GRIA3: variants seen among roughly 807,000 people sequenced by gnomAD.
The protein encoded by GRIA3 is glutamate ionotropic receptor AMPA type subunit 3, also known as glutamate receptor 3.
Under a neutral mutation model 63.0 loss-of-function variants are expected in GRIA3, and 3 were observed. The ratio of observed to expected loss-of-function variants is 0.05; its 90% CI spans 0.02 to 0.12. The LOEUF is 0.12. GRIA3 is among the 10% of genes least tolerant of loss of function. The probability of loss-of-function intolerance (pLI) is 1.00; values close to 1 mark genes in which losing one functional copy is unlikely to be tolerated. For missense variants in GRIA3, 347 were observed against 700.9 expected (o/e 0.50, Z 5.70); for synonymous variants, 274 against 257.9 (o/e 1.06, Z -0.60).
chrX:123,265,685 A>G (rs2044484152), intron 3 of GRIA3, among the ~76,000 whole-genome samples: 3 of 112,040 alleles, frequency 2.7e-5, no homozygotes, highest in Non-Finnish European at 5.6e-5. Context: ...TAATGAAACT[A>G]GAACTTATTT....
intron 12 of GRIA3, among the ~76,000 whole-genome samples, chrX:123,447,750 CA>C (rs1368693903): frequency 1.8e-5 from 2 of 112,122 alleles, no homozygotes; most frequent in African/African-American, 6.5e-5. Context: ...GCAACCAAGC[CA>C]AATGGCTGTA....
At chrX:123,357,263 T>C (rs1423183534) in intron 5 of GRIA3, among the ~76,000 whole-genome samples, 3 of 109,274 alleles carry the variant, frequency 2.7e-5, no homozygotes, top group African/African-American at 1.0e-4. Flanking sequence ...AAGCTGGAGG[T>C]TGTCAGCTAA....
intron 12 of GRIA3, among the ~76,000 whole-genome samples, chrX:123,433,296 T>C (rs1289037341): frequency 8.9e-5 from 10 of 111,897 alleles, no homozygotes; most frequent in Non-Finnish European, 1.9e-4. Context: ...ATAATGTTAA[T>C]GAAAGCAATA....
intron 2 of GRIA3, chrX:123,204,654 T>C: frequency 9.4e-7 from 1 of 1,065,769 alleles, no homozygotes; most frequent in Non-Finnish European, 1.2e-6. Context: ...CAAGAGAGGT[T>C]AATAAAGGAA....
chrX:123,190,431 G>A (rs1406409500), intron 2 of GRIA3, among the ~76,000 whole-genome samples: 1 of 108,589 alleles, frequency 9.2e-6, no homozygotes, highest in East Asian at 2.9e-4. Context: ...GTTTATTACG[G>A]TTTTTAAAAT....
intron 15 of GRIA3, among the ~76,000 whole-genome samples, chrX:123,486,818 G>T (rs2045944608): frequency 8.9e-6 from 1 of 111,912 alleles, no homozygotes; most frequent in Non-Finnish European, 1.9e-5. Flanking sequence ...GACATCAAGA[G>T]GTACCCTGAG....
At chrX:123,305,975 T>C (rs1345975809) in intron 3 of GRIA3, among the ~76,000 whole-genome samples, 1 of 111,840 alleles carries the variant, frequency 8.9e-6, no homozygotes, top group Non-Finnish European at 1.9e-5. Context: ...TTCCACTTGC[T>C]CTATCATTCT....
intron 2 of GRIA3, among the ~76,000 whole-genome samples, chrX:123,210,312 C>A (rs1321053307): frequency 1.8e-5 from 2 of 109,948 alleles, no homozygotes; most frequent in East Asian, 5.7e-4. Flanking sequence ...AATCTACCAA[C>A]ATTTCTCTTT....
At chrX:123,196,823 T>C (rs1262878141) in intron 2 of GRIA3, among the ~76,000 whole-genome samples, 5 of 112,026 alleles carry the variant, frequency 4.5e-5, no homozygotes, top group South Asian at 3.7e-4. Context: ...CCTGAGGTGA[T>C]TGTTACAATC....
chrX:123,427,987 C>T lies in GRIA3; in HGVS notation c.1924C>T (p.Leu642=). 8.3e-7 allele frequency: 1 copy of T among 1,202,567 alleles called. No individual in the cohort carries two copies. ...TGGAGGGGTTTGGTGGTTCTTCACCCTGATCATAATTTCTTCCTATACTGC... is the reference window on the plus strand; with the variant it reads ...TGGAGGGGTTTGGTGGTTCTTCACCTTGATCATAATTTCTTCCTATACTGC... The part of the protein sequence containing the change: ...IVGGVWWFFT[L]IIISSYTANL... Residue 642 remains leucine, a synonymous_variant, in exon 12 of 16, where the codon CTG becomes TTG. Coordinates refer to ENST00000620443, the MANE Select transcript of GRIA3 (RefSeq NM_007325.5).
chrX:123,471,838 G>T (rs1026373317), intron 13 of GRIA3, among the ~76,000 whole-genome samples: 2 of 104,916 alleles, frequency 1.9e-5, no homozygotes, highest in Non-Finnish European at 3.9e-5. Flanking sequence ...TCTAGAGAGC[G>T]GTATAGCATT....
intron 12 of GRIA3, among the ~76,000 whole-genome samples, chrX:123,456,963 T>G (rs2045765279): frequency 9.0e-6 from 1 of 110,761 alleles, no homozygotes; most frequent in Non-Finnish European, 1.9e-5. Context: ...GCTAAATAAT[T>G]CAGAAGAAAA....
intron 10 of GRIA3, among the ~76,000 whole-genome samples, chrX:123,414,985 A>G (rs1415022734): frequency 4.5e-5 from 5 of 111,983 alleles, no homozygotes; most frequent in African/African-American, 1.6e-4. Context: ...TATATTCTTG[A>G]AGAATTGCCA....
intron 2 of GRIA3, among the ~76,000 whole-genome samples, chrX:123,222,709 C>T (rs1254825339): frequency 8.9e-6 from 1 of 111,811 alleles, no homozygotes; most frequent in South Asian, 3.8e-4. Flanking sequence ...TAAAAACTCC[C>T]CAGTGAATCT....
Position 123,470,458 on chromosome X carries a change from GT to G in GRIA3, c.2324+5347del, listed in dbSNP as rs2045855854. ...TTCCTTTCACATGGGTGCTCTTAAG[GT>G]ACCTAAAAAGAGTTTGTTCTCTGAA... On this transcript the variant is annotated intron_variant, in intron 13 of 15. Transcript: ENST00000620443. Among the ~76,000 whole-genome samples, 3 of 111,711 alleles carry G rather than the reference GT, an allele frequency of 2.7e-5. No homozygotes were observed. In the South Asian group the frequency reaches 1.1e-3, roughly 43 times the overall value.
chrX:123,268,819 T>C (rs5958205), intron 3 of GRIA3, among the ~76,000 whole-genome samples: 97 of 112,134 alleles, frequency 8.7e-4, no homozygotes, highest in African/African-American at 3.1e-3. Flanking sequence ...TTCTACCCTG[T>C]CTCAATTCTT....
chrX:123,244,661 TTGA>T (rs775122451), intron 2 of GRIA3, among the ~76,000 whole-genome samples: 1 of 112,416 alleles, frequency 8.9e-6, no homozygotes, highest in African/African-American at 3.2e-5. Flanking sequence ...TGAGGGATAT[TTGA>T]TGATGTTCTG....
At chrX:123,367,332 ATAGAAT>A (rs746893528) in intron 5 of GRIA3, among the ~76,000 whole-genome samples, 2 of 112,620 alleles carry the variant, frequency 1.8e-5, no homozygotes, top group South Asian at 7.2e-4. Context: ...CAGTGAGGAA[ATAGAAT>A]TCATGACACA....
intron 3 of GRIA3, among the ~76,000 whole-genome samples, chrX:123,269,722 C>A (rs1324062832): frequency 8.9e-6 from 1 of 111,768 alleles, no homozygotes; most frequent in African/African-American, 3.3e-5. Flanking sequence ...AGCGGAGGTT[C>A]ATTTCCTTCC....
Sources: gnomAD v4.1 joint callset for allele counts (sites outside exome capture counted in the v4.1 genomes callset) on GRCh38, gnomAD v4.1.1 for gene constraint, MANE v1.5 for transcripts, NCBI Gene and HGNC (gene_info 2026-07-23, HGNC 2026-07-21) for gene names.